SDK2: variants seen among roughly 807,000 people sequenced by gnomAD.
SDK2 encodes sidekick cell adhesion molecule 2, also known as protein sidekick-2.
Under a neutral mutation model 253.9 loss-of-function variants are expected in SDK2, and 105 were observed. The ratio of observed to expected loss-of-function variants is 0.41; its 90% CI spans 0.35 to 0.49. The LOEUF (loss-of-function observed/expected upper bound fraction) is 0.49, where lower values mean the gene tolerates loss of function less well. Among genes scored for constraint, SDK2 ranks in the 20% least tolerant of loss-of-function variants. The probability of loss-of-function intolerance (pLI) is 0.06; values close to 1 mark genes in which losing one functional copy is unlikely to be tolerated. For missense variants in SDK2, 2,608 were observed against 3,003.0 expected, an observed-to-expected ratio of 0.87 and a Z score of 3.07; for synonymous variants, 1,249 against 1,234.9, an observed-to-expected ratio of 1.01 and a Z score of -0.24.
At chr17:73,423,815 C>A (rs912865748) in intron 13 of SDK2, 101 bp downstream of exon 13, 4 of 976,156 alleles carry the variant, frequency 4.1e-6, no homozygotes, top group Non-Finnish European at 5.8e-6. Flanking sequence ...TCAGGTCACA[C>A]GTGGCCTGGG....
At chr17:73,503,316 T>G (rs8082329) in intron 2 of SDK2, among the ~76,000 whole-genome samples, 91,732 of 152,046 alleles carry the variant, frequency 0.6, 28,142 homozygotes, top group Non-Finnish European at 0.66. Context: ...TATTGTATCA[T>G]TGTTAAATTT....
rs1355023276 is a variant in SDK2, at chr17:73,642,588, C to G, written c.64+1437G>C. 6.6e-6 allele frequency among the ~76,000 whole-genome samples: 1 copy of G among 152,178 alleles called. No individual in the cohort carries two copies. Among genetic ancestry groups the G allele is most frequent in the Non-Finnish European group, 1.5e-5 (1 of 68,036 alleles). ...GAGAGGCTCAGAACTCATCTGGTTC[C>G]AGACCTGCCTCTGCCCCCAGATCAC... is the stretch of plus-strand genomic sequence containing the variant. On this transcript the variant is annotated intron_variant, in intron 1 of 44. Coordinates refer to ENST00000392650, the MANE Select transcript of SDK2 (RefSeq NM_001144952.2). The surrounding 1 kb of genome is among the most constrained non-coding windows in gnomAD (Gnocchi z 4.7).
Position 73,447,418 on chromosome 17 carries a change from G to A in SDK2, c.613+197C>T, listed in dbSNP as rs73347788. On this transcript the variant is annotated intron_variant, in intron 5 of 44. Coordinates refer to ENST00000392650, the MANE Select transcript of SDK2 (RefSeq NM_001144952.2). This position sits in a 1 kb window ranked among gnomAD's most constrained non-coding sequence, Gnocchi z 4.0. ...GCGTGTCATGGGAACGGGCTCCAGC[G>A]TTCAGCTGCTCCTTTCCTGCCCAGG... Among the ~76,000 whole-genome samples the A allele has an allele frequency of 0.056, 8,458 of 152,054 alleles. 814 individuals are homozygous for A. The highest frequency in any genetic ancestry group is 0.19 in the African/African-American group (8,015 of 41,414).
intron 18 of SDK2, among the ~76,000 whole-genome samples, chr17:73,403,489 G>C (rs2063046424): frequency 6.8e-6 from 1 of 147,448 alleles, no homozygotes; most frequent in Admixed American, 7.0e-5. Context: ...CCCTTCATCT[G>C]TCTCCAATAA....
chr17:73,578,511 C>T (rs2145878373), intron 1 of SDK2, among the ~76,000 whole-genome samples: 1 of 152,268 alleles, frequency 6.6e-6, no homozygotes, highest in South Asian at 2.1e-4. Context: ...ACAGTGGTCC[C>T]TACCTCCCAG....
chr17:73,368,822 C>T (rs1214989135), intron 36 of SDK2, among the ~76,000 whole-genome samples: 2 of 152,060 alleles, frequency 1.3e-5, no homozygotes, highest in African/African-American at 4.8e-5. Flanking sequence ...CTAGCCTGGC[C>T]AACATGGTGA....
At chr17:73,500,965 G>T (rs1339302721) in intron 2 of SDK2, among the ~76,000 whole-genome samples, 4 of 152,138 alleles carry the variant, frequency 2.6e-5, no homozygotes, top group Admixed American at 2.6e-4. Flanking sequence ...CAGCCAGGGG[G>T]GTTGTCTCCA....
Position 73,385,855 on chromosome 17 carries a change from G to A in SDK2, c.4561C>T (p.Arg1521Ter), listed in dbSNP as rs777411418. 2.5e-6 allele frequency: 4 copies of A among 1,607,158 alleles called. No homozygotes were observed. The highest frequency in any genetic ancestry group is 2.5e-6 in the Non-Finnish European group (3 of 1,177,470). ...TGCCCGCTGGGCCATACCTGCCATC[G>A]GATTAGCACGGAGGTGGTGGTGTGG... ...TPHTTTSVLIRWQPPAEDKIN... is the reference protein window; with the variant it reads ...TPHTTTSVLI Residue 1521 changes from arginine (R) to a stop codon, truncating the protein, a stop_gained, in exon 32 of 45, where the codon CGA (arginine) becomes TGA (stop). Coordinates refer to ENST00000392650, the MANE Select transcript of SDK2 (RefSeq NM_001144952.2). LOFTEE classifies it high-confidence loss of function.
chr17:73,472,821 A>G (rs1355820605), intron 2 of SDK2, among the ~76,000 whole-genome samples: 1 of 152,172 alleles, frequency 6.6e-6, no homozygotes, highest in East Asian at 1.9e-4. Context: ...TTCTCGTGAT[A>G]GTGAATAAGT....
At chr17:73,506,355 C>A (rs2063935730) in intron 2 of SDK2, among the ~76,000 whole-genome samples, 2 of 152,184 alleles carry the variant, frequency 1.3e-5, no homozygotes, top group African/African-American at 4.8e-5. Context: ...TCATCCAGCT[C>A]TCCCCTCTGC....
At chr17:73,393,510 A>G (rs1271630082) in intron 27 of SDK2, 50 bp downstream of exon 27, 1 of 1,460,162 alleles carries the variant, frequency 6.8e-7, no homozygotes, top group Non-Finnish European at 9.2e-7. Context: ...GGGCAGGAGG[A>G]AGGGCGGCTC....
chr17:73,535,622 G>A (rs1243472842), intron 1 of SDK2, among the ~76,000 whole-genome samples: 1 of 152,230 alleles, frequency 6.6e-6, no homozygotes, highest in Non-Finnish European at 1.5e-5. Context: ...TTTCCCTGGT[G>A]TAAATGCTCT....
chr17:73,371,299 C>T (rs2062732833), intron 36 of SDK2, among the ~76,000 whole-genome samples: 1 of 151,790 alleles, frequency 6.6e-6, no homozygotes, highest in African/African-American at 2.4e-5. Context: ...AATGGATTCT[C>T]TTAGGTAGAG....
Position 73,644,078 on chromosome 17 carries a change from A to G in SDK2, c.11T>C (p.Leu4Pro). 1.3e-6 allele frequency: 2 copies of G among 1,550,984 alleles called. No individual in the cohort carries two copies. Among genetic ancestry groups the G allele is most frequent in the Non-Finnish European group, 1.7e-6 (2 of 1,146,692 alleles). The change falls in exon 1 of 45, where the codon CTT becomes CCT. Residue 4 changes from leucine to proline, a missense_variant. This residue lies in a region of SDK2 where 1,505 missense variants were observed against 1,859.1 expected (regional missense o/e 0.81). Coordinates refer to ENST00000392650, the MANE Select transcript of SDK2 (RefSeq NM_001144952.2). The surrounding 1 kb of genome is among the most constrained non-coding windows in gnomAD (Gnocchi z 6.3). ...CAGAGCTAGCAGTGTCCAGATCAAA[A>G]GCCCCCACATGGTGACCAGCCTGGA... is the stretch of plus-strand genomic sequence containing the variant. The part of the protein sequence containing the change: MWG[L>P]LIWTLLALHQ...
At chr17:73,449,120 G>C (rs77034586) in intron 4 of SDK2, among the ~76,000 whole-genome samples, 7,137 of 152,248 alleles carry the variant, frequency 0.047, 232 homozygotes, top group Non-Finnish European at 0.071. Context: ...TCTCAGGCCA[G>C]GTCTTCTGGC....
intron 1 of SDK2, among the ~76,000 whole-genome samples, chr17:73,525,284 G>T (rs1456806479): frequency 6.6e-6 from 1 of 152,166 alleles, no homozygotes; most frequent in Non-Finnish European, 1.5e-5. Flanking sequence ...CGCCAGGAGG[G>T]TCCTAGGAGA....
intron 21 of SDK2, among the ~76,000 whole-genome samples, chr17:73,399,591 G>T (rs1208306883): frequency 6.6e-6 from 1 of 152,202 alleles, no homozygotes; most frequent in Non-Finnish European, 1.5e-5. Flanking sequence ...AGTTCTGGAT[G>T]TGAGTGAGGT....
Position 73,642,820 on chromosome 17 carries a change from C to T in SDK2, c.64+1205G>A, listed in dbSNP as rs34906108. ...TTTATGTAAATTACCTCGTAAAATC[C>T]TCCCCTCAGCCCTGTGAGTGAGAGC... On this transcript the variant is annotated intron_variant, in intron 1 of 44. Coordinates refer to ENST00000392650, the MANE Select transcript of SDK2 (RefSeq NM_001144952.2). This position sits in a 1 kb window ranked among gnomAD's most constrained non-coding sequence, Gnocchi z 4.7. Among the ~76,000 whole-genome samples, 34,722 of 152,092 alleles carry T rather than the reference C, an allele frequency of 0.23. 4,269 individuals carry two copies. Among genetic ancestry groups the T allele is most frequent in the South Asian group, 0.28 (1,330 of 4,816 alleles).
In SDK2 at chr17:73,457,865, C is replaced by T. The variant is rs866429975; in HGVS notation, c.332-1812G>A. Reference sequence around the variant, plus strand: ...CCTCTAAGACCACTGACTCTTCTTCCTCTCCTTCTACCAGGAATTCTCCAA... The same window carrying T: ...CCTCTAAGACCACTGACTCTTCTTCTTCTCCTTCTACCAGGAATTCTCCAA... On this transcript the variant is annotated intron_variant, in intron 3 of 44. Transcript: ENST00000392650. Among the ~76,000 whole-genome samples the T allele has an allele frequency of 5.3e-5, 8 of 152,322 alleles. No homozygotes were observed. The Middle Eastern group carries it at 0.01, about 194-fold the overall frequency.
Sources: gnomAD v4.1 joint callset for allele counts (sites outside exome capture counted in the v4.1 genomes callset) on GRCh38, gnomAD v4.1.1 for gene constraint, gnomAD v4.1.1 regional missense constraint, Gnocchi (gnomAD v3.1) non-coding constraint, MANE v1.5 for transcripts, NCBI Gene and HGNC (gene_info 2026-07-23, HGNC 2026-07-21) for gene names.